The following MED14 variants were observed in gnomAD, a reference collection of about 807,000 sequenced individuals.
The protein encoded by MED14 is mediator of RNA polymerase II transcription subunit 14.
In MED14, 8 loss-of-function variants were observed where a neutral mutation model predicts 109.0. That is an observed-to-expected ratio of 0.07 (90% CI 0.04 to 0.13). The LOEUF (loss-of-function observed/expected upper bound fraction) is 0.13. Ranked by LOEUF, MED14 falls within the 10% of genes least tolerant of loss-of-function variation. MED14 has a pLI of 1.00. For synonymous variants in MED14, 399 were observed against 408.7 expected, an observed-to-expected ratio of 0.98 and a Z score of 0.29; for missense variants, 711 against 1,142.4, an observed-to-expected ratio of 0.62 and a Z score of 5.44.
chrX:40,725,482 A>G (rs763856346), intron 3 of MED14, among the ~76,000 whole-genome samples: 8 of 112,381 alleles, frequency 7.1e-5, no homozygotes, highest in Non-Finnish European at 1.5e-4. Context: ...ATCGTTCATC[A>G]TGACCAAGTG....
chrX:40,704,083 C>T (rs1018520171), intron 10 of MED14, among the ~76,000 whole-genome samples: 11 of 111,674 alleles, frequency 9.9e-5, no homozygotes, highest in Non-Finnish European at 2.1e-4. Context: ...ATTGATTACC[C>T]AGGAAGAAAA....
At position 40,722,605 on chromosome X, in the gene MED14, A is replaced by G. The variant is rs1931760137; in HGVS notation, c.348+4141T>C. Among the ~76,000 whole-genome samples, 3 of 111,582 alleles carry G rather than the reference A, an allele frequency of 2.7e-5. No individual in the cohort carries two copies. In the South Asian group the frequency reaches 1.1e-3, roughly 42 times the overall value. ...CCCAAACCTAGAGAAAGATACCAAC[A>G]TTAAAGTACAAGAAGATTATAGAAC... On this transcript the variant is annotated intron_variant, in intron 3 of 30. Coordinates refer to ENST00000324817, the MANE Select transcript of MED14 (RefSeq NM_004229.4).
At chrX:40,661,227 G>A (rs544052339) in intron 26 of MED14, among the ~76,000 whole-genome samples, 1 of 112,409 alleles carries the variant, frequency 8.9e-6, no homozygotes, top group African/African-American at 3.2e-5. Flanking sequence ...GATTACAGGC[G>A]TGCACCATCA....
intron 14 of MED14, 29 bp from the exon 15 acceptor site, chrX:40,692,346 GTA>G (rs1930550009): frequency 2.2e-6 from 2 of 924,977 alleles, no homozygotes; most frequent in Admixed American, 3.4e-5. Flanking sequence ...ACACAAACAG[GTA>G]AAAAAAAAAA....
chrX:40,665,360 C>T (rs1457089826), intron 24 of MED14, among the ~76,000 whole-genome samples: 1 of 110,523 alleles, frequency 9.0e-6, no homozygotes, highest in Non-Finnish European at 1.9e-5. Context: ...CCCATCTCTA[C>T]AAAAAAATAC....
intron 24 of MED14, 62 bp from the exon 25 acceptor site, chrX:40,664,551 ACAGC>A: frequency 2.7e-6 from 2 of 754,528 alleles, no homozygotes; most frequent in Non-Finnish European, 3.6e-6. Context: ...AAATTATTTG[ACAGC>A]ATTCAAATCT....
chrX:40,671,197 G>A (rs963123459), intron 23 of MED14, among the ~76,000 whole-genome samples: 5 of 111,572 alleles, frequency 4.5e-5, no homozygotes, highest in Non-Finnish European at 3.8e-5. Flanking sequence ...AAGCTCAAGA[G>A]CAGGGCTGGT....
chrX:40,675,701 C>T (rs1039096036), intron 21 of MED14, among the ~76,000 whole-genome samples: 9 of 111,996 alleles, frequency 8.0e-5, no homozygotes, highest in Non-Finnish European at 1.5e-4. Context: ...GCATATTGGC[C>T]ATAACTTCAA....
chrX:40,703,528 A>G lies in MED14; in HGVS notation c.1327T>C (p.Leu443=), dbSNP rs1408396470. The change falls in exon 11 of 31, where the codon TTG becomes CTG. Residue 443 remains leucine, a synonymous_variant. Coordinates refer to ENST00000324817, the MANE Select transcript of MED14 (RefSeq NM_004229.4). The part of the protein sequence containing the change: ...TALPALVVPI[L]EPCGNSECLH... ...CACTCTGAATTACCACAGGGCTCCAAGATGGGAACAACAAGAGCTGGGAGT... is the reference window on the plus strand; with the variant it reads ...CACTCTGAATTACCACAGGGCTCCAGGATGGGAACAACAAGAGCTGGGAGT... The G allele has an allele frequency of 3.4e-6, 4 of 1,190,978 alleles. No individual in the cohort carries two copies.
chrX:40,656,507 T>C (rs905901361), intron 28 of MED14, among the ~76,000 whole-genome samples: 1 of 112,206 alleles, frequency 8.9e-6, no homozygotes, highest in Non-Finnish European at 1.9e-5. Flanking sequence ...ATAACCTCTA[T>C]GGAGAACAAT....
intron 11 of MED14, among the ~76,000 whole-genome samples, chrX:40,703,034 C>A (rs1931012404): frequency 8.9e-6 from 1 of 112,164 alleles, no homozygotes; most frequent in Non-Finnish European, 1.9e-5. Flanking sequence ...CTCCAGGATT[C>A]TGTACCTCAA....
chrX:40,669,901 C>T (rs181888934), intron 23 of MED14, among the ~76,000 whole-genome samples: 1 of 111,420 alleles, frequency 9.0e-6, no homozygotes, highest in East Asian at 2.8e-4. Flanking sequence ...AAGAAACAAT[C>T]GAACCCCCCT....
At chrX:40,690,767 T>A (rs1930472679) in intron 15 of MED14, among the ~76,000 whole-genome samples, 1 of 111,997 alleles carries the variant, frequency 8.9e-6, no homozygotes, top group African/African-American at 3.3e-5. Flanking sequence ...CCATGCTCAT[T>A]TGTTTAAATA....
intron 9 of MED14, 138 bp downstream of exon 9, chrX:40,709,841 T>C (rs944916433): frequency 1.7e-4 from 64 of 383,809 alleles, no homozygotes; most frequent in African/African-American, 1.5e-3. Flanking sequence ...GTAAGAAGTG[T>C]AACATTTACT....
chrX:40,692,347 TAAAAAAA>T, intron 14 of MED14, 30 bp from the exon 15 acceptor site: 1 of 880,821 alleles, frequency 1.1e-6, no homozygotes, highest in Non-Finnish European at 1.5e-6. Flanking sequence ...CACAAACAGG[TAAAAAAA>T]AAAAAAAAAG....
At chrX:40,668,320 T>C (rs1486979222) in intron 23 of MED14, among the ~76,000 whole-genome samples, 2 of 98,612 alleles carry the variant, frequency 2.0e-5, no homozygotes, top group Non-Finnish European at 4.0e-5. Context: ...AAGGCGGAGG[T>C]TGCAGCAAGC....
intron 12 of MED14, among the ~76,000 whole-genome samples, chrX:40,700,050 G>T (rs1362188308): frequency 1.8e-5 from 2 of 111,064 alleles, no homozygotes. Context: ...TCGGAAGACT[G>T]AGGCAGGAGA....
chrX:40,718,223 C>T (rs1473316087), intron 3 of MED14, among the ~76,000 whole-genome samples: 1 of 112,439 alleles, frequency 8.9e-6, no homozygotes, highest in Non-Finnish European at 1.9e-5. Context: ...ACACTAACTT[C>T]TTATTAACAG....
chrX:40,687,317 T>C (rs1930331678), intron 16 of MED14, among the ~76,000 whole-genome samples: 2 of 111,700 alleles, frequency 1.8e-5, no homozygotes, highest in South Asian at 7.5e-4. Context: ...TAACTCCTTG[T>C]GGAACGTACC....
Sources: gnomAD v4.1 joint callset for allele counts (sites outside exome capture counted in the v4.1 genomes callset) on GRCh38, gnomAD v4.1.1 for gene constraint, MANE v1.5 for transcripts, NCBI Gene and HGNC (gene_info 2026-07-23, HGNC 2026-07-21) for gene names.